The following PATJ variants were observed in gnomAD, a reference collection of about 807,000 sequenced individuals.
The protein encoded by PATJ is PATJ crumbs cell polarity complex component, also known as inaD-like protein.
A neutral mutation model predicts 224.9 loss-of-function variants in PATJ; 190 were observed. That is an observed-to-expected ratio of 0.84 (90% confidence interval 0.75 to 0.95). The LOEUF (loss-of-function observed/expected upper bound fraction) is 0.95, where lower values mean the gene tolerates loss of function less well. Among genes scored for constraint, PATJ ranks in the 40% least tolerant of loss-of-function variants. The probability of loss-of-function intolerance (pLI) is 0.00; values close to 1 mark genes in which losing one functional copy is unlikely to be tolerated. For synonymous variants in PATJ, 769 were observed against 820.3 expected, an observed-to-expected ratio of 0.94 and a Z score of 1.07; for missense variants, 2,121 against 2,270.3, an observed-to-expected ratio of 0.93 and a Z score of 1.34.
chr1:61,895,494 A>G (rs1203791113), intron 22 of PATJ, among the ~76,000 whole-genome samples: 1 of 152,236 alleles, frequency 6.6e-6, no homozygotes, highest in Non-Finnish European at 1.5e-5. Context: ...AAAAGGCGCC[A>G]AGGTACAGCT....
At chr1:61,871,483 G>GCGTATATATATATATACATATATA (rs1362256521) in intron 20 of PATJ, among the ~76,000 whole-genome samples, 1 of 100,070 alleles carries the variant, frequency 1.0e-5, no homozygotes, top group Non-Finnish European at 2.0e-5. Context: ...ACATATATAT[G>GCGTATATATATATATACATATATA]TGTATATATG....
At chr1:61,812,069 A>C (rs1377667493) in intron 14 of PATJ, among the ~76,000 whole-genome samples, 1 of 152,002 alleles carries the variant, frequency 6.6e-6, no homozygotes, top group Non-Finnish European at 1.5e-5. Flanking sequence ...TCAAAAAAAA[A>C]ACACTATATT....
intron 23 of PATJ, among the ~76,000 whole-genome samples, chr1:61,901,017 T>C (rs1259751928): frequency 6.6e-6 from 1 of 152,234 alleles, no homozygotes; most frequent in African/African-American, 2.4e-5. Context: ...TGGGAATATT[T>C]GGGCTTAACT....
intron 41 of PATJ, among the ~76,000 whole-genome samples, chr1:62,132,413 G>A (rs1012606703): frequency 2.6e-5 from 4 of 152,166 alleles, no homozygotes; most frequent in East Asian, 1.9e-4. Flanking sequence ...CGGGAGAATC[G>A]CTTGAACCCC....
intron 14 of PATJ, among the ~76,000 whole-genome samples, chr1:61,817,899 C>G (rs954223367): frequency 5.9e-5 from 9 of 151,912 alleles, no homozygotes; most frequent in Non-Finnish European, 1.3e-4. Flanking sequence ...CTATTTAATA[C>G]TTTGTGTGTG....
chr1:62,158,522 A>G (rs543732312), intron 43 of PATJ, among the ~76,000 whole-genome samples: 2 of 148,594 alleles, frequency 1.3e-5, no homozygotes, highest in East Asian at 3.9e-4. Flanking sequence ...GATTGAGACC[A>G]TCCTGGCTAA....
chr1:61,847,912 G>T (rs112018524), intron 17 of PATJ, among the ~76,000 whole-genome samples: 1 of 151,044 alleles, frequency 6.6e-6, no homozygotes, highest in African/African-American at 2.4e-5. Flanking sequence ...TATCAAAAAA[G>T]GAGACATGCT....
chr1:62,013,971 G>C (rs1233502742), intron 28 of PATJ, among the ~76,000 whole-genome samples: 1 of 152,002 alleles, frequency 6.6e-6, no homozygotes. Context: ...ACAGGGTTTC[G>C]CCATGTTGGC....
intron 30 of PATJ, among the ~76,000 whole-genome samples, chr1:62,042,657 T>A (rs558744523): frequency 1.7e-4 from 26 of 152,238 alleles, no homozygotes; most frequent in African/African-American, 6.3e-4. Flanking sequence ...GCTATTTTTT[T>A]AAAAAAAAAG....
intron 38 of PATJ, 67 bp from the exon 39 acceptor site, chr1:62,122,954 G>T: frequency 1.0e-6 from 1 of 984,400 alleles, no homozygotes; most frequent in Non-Finnish European, 1.5e-6. Context: ...TTTTTCATGG[G>T]GCAATATTAT....
chr1:61,775,258 T>C lies in PATJ; in HGVS notation c.773T>C (p.Leu258Pro), dbSNP rs774020285. Residue 258 changes from leucine to proline, a missense_variant, in exon 7 of 44, where the codon CTA becomes CCA. By Grantham distance (98) the Leu-to-Pro change is moderately conservative (BLOSUM62 -3). Coordinates refer to ENST00000642238, the MANE Select transcript of PATJ (RefSeq NM_001350145.3). ...EVELINDGSG[L>P]GFGIVGGKTS... ...GAGCTCATTAATGATGGCTCTGGAC[T>C]AGGTTTTGGAATAGTTGGAGGAAAA... The C allele has an allele frequency of 4.6e-5, 74 of 1,613,844 alleles. No homozygotes were observed. The highest frequency in any genetic ancestry group is 5.6e-5 in the Non-Finnish European group (66 of 1,179,892).
intron 13 of PATJ, among the ~76,000 whole-genome samples, chr1:61,808,197 A>C (rs1030543834): frequency 1.3e-5 from 2 of 152,214 alleles, no homozygotes; most frequent in Non-Finnish European, 2.9e-5. Context: ...TTTAGGGGTC[A>C]TGGATTTTTA....
intron 27 of PATJ, among the ~76,000 whole-genome samples, chr1:61,931,540 G>A (rs956908036): frequency 2.0e-5 from 3 of 152,224 alleles, no homozygotes; most frequent in South Asian, 2.1e-4. Flanking sequence ...AAGGCAGGTG[G>A]ATCACTTGAG....
In PATJ at chr1:61,775,219, A is replaced by G. The variant is rs2148397593; in HGVS notation, c.734A>G (p.His245Arg). The change falls in exon 7 of 44, where the codon CAT (histidine) becomes CGT (arginine). Residue 245 changes from histidine to arginine, a missense_variant. By Grantham distance (29) the His-to-Arg change is conservative (BLOSUM62 0). Transcript: ENST00000642238. ...ATTAATTTGTAGGTTTGTTGGGGCC[A>G]TGTTGAAGAGGTTGAGCTCATTAAT... ...TTLPETVCWG[H>R]VEEVELINDG... 6.2e-6 allele frequency: 10 copies of G among 1,610,332 alleles called. No individual in the cohort carries two copies. Among genetic ancestry groups the G allele is most frequent in the South Asian group, 1.1e-5 (1 of 90,052 alleles).
chr1:62,047,814 C>T (rs1264613886), intron 30 of PATJ, among the ~76,000 whole-genome samples: 1 of 152,090 alleles, frequency 6.6e-6, no homozygotes, highest in Non-Finnish European at 1.5e-5. Flanking sequence ...ATGGTAACTC[C>T]TTGATTATCC....
At position 62,163,823 on chromosome 1, in the gene PATJ, G is replaced by A. The variant is rs1669998893; in HGVS notation, c.*2769G>A. 6.6e-6 allele frequency: 1 copy of A among 152,190 alleles called. No individual in the cohort carries two copies. Among genetic ancestry groups the A allele is most frequent in the South Asian group, 2.1e-4 (1 of 4,836 alleles). 9.4% of individuals were successfully genotyped at this position (152,190 alleles called of 1,614,324 possible). A position where few individuals can be genotyped will look rare whatever the true frequency, so the allele number is the denominator to read the frequency against. ...TGATATCACTAATCGGAATTAGCAT[G>A]AGAGGGAAGTAAGCCAGGAAGAATA... is the stretch of plus-strand genomic sequence containing the variant. On this transcript the variant is annotated 3_prime_UTR_variant, in exon 44 of 44. Coordinates refer to ENST00000642238, the MANE Select transcript of PATJ (RefSeq NM_001350145.3).
intron 26 of PATJ, among the ~76,000 whole-genome samples, chr1:61,923,543 A>G (rs1212645064): frequency 1.3e-5 from 2 of 152,144 alleles, no homozygotes; most frequent in African/African-American, 4.8e-5. Context: ...CATGTTCTCT[A>G]GAATCATTGA....
intron 30 of PATJ, among the ~76,000 whole-genome samples, chr1:62,049,926 C>T (rs1163769977): frequency 6.6e-6 from 1 of 151,980 alleles, no homozygotes; most frequent in Non-Finnish European, 1.5e-5. Flanking sequence ...CGAGACCAGC[C>T]TTGCCAACAC....
chr1:61,979,964 T>G (rs1251157107), intron 27 of PATJ, among the ~76,000 whole-genome samples: 1 of 152,064 alleles, frequency 6.6e-6, no homozygotes, highest in Non-Finnish European at 1.5e-5. Context: ...GAAGGTCTTA[T>G]CACCTGCTTC....
Sources: gnomAD v4.1 joint callset for allele counts (sites outside exome capture counted in the v4.1 genomes callset) on GRCh38, gnomAD v4.1.1 for gene constraint, MANE v1.5 for transcripts, NCBI Gene and HGNC (gene_info 2026-07-23, HGNC 2026-07-21) for gene names.